Variants in SPTA1 observed in about 807,000 individuals in gnomAD.
The protein encoded by SPTA1 is spectrin alpha, erythrocytic 1, also known as spectrin alpha chain, erythrocytic 1.
In SPTA1, 177 loss-of-function variants were observed where a neutral mutation model predicts 324.7. That is an observed-to-expected ratio of 0.55 (90% CI 0.48 to 0.62). SPTA1 has a LOEUF of 0.62. SPTA1 is among the 20% of genes least tolerant of loss of function. SPTA1 has a pLI of 0.00. For synonymous variants in SPTA1, 1,195 were observed against 1,041.3 expected (o/e 1.15, Z -2.84); for missense variants, 3,162 against 2,883.6 (o/e 1.10, Z -2.21).
chr1:158,676,644 G>C (rs192147573), intron 7 of SPTA1, among the ~76,000 whole-genome samples: 1 of 152,044 alleles, frequency 6.6e-6, no homozygotes. Flanking sequence ...CAGGAGCAAG[G>C]TTCCAAACTA....
intron 2 of SPTA1, 145 bp from the exon 3 acceptor site, chr1:158,683,641 T>C: frequency 9.7e-7 from 1 of 1,035,718 alleles, no homozygotes; most frequent in Non-Finnish European, 1.4e-6. Context: ...CCCACTGGCT[T>C]TAGGAAGTTT....
chr1:158,682,020 C>CA (rs1654853733), intron 3 of SPTA1, among the ~76,000 whole-genome samples: 2 of 152,132 alleles, frequency 1.3e-5, no homozygotes, highest in South Asian at 4.1e-4. Context: ...ATAAGCATAA[C>CA]ATGTTCTAAG....
chr1:158,677,267 G>T (rs778873298), intron 7 of SPTA1, among the ~76,000 whole-genome samples: 1 of 152,142 alleles, frequency 6.6e-6, no homozygotes, highest in Non-Finnish European at 1.5e-5. Context: ...AAAAGGAGAA[G>T]ACAATGTTTT....
chr1:158,660,458 C>T (rs968867732), intron 18 of SPTA1, among the ~76,000 whole-genome samples: 10 of 152,074 alleles, frequency 6.6e-5, no homozygotes, highest in African/African-American at 1.7e-4. Flanking sequence ...GATTTAACTT[C>T]ATCAAAAAGA....
At chr1:158,681,444 G>GAGT (rs759082116) in intron 4 of SPTA1, 83 bp downstream of exon 4, 170 of 1,601,348 alleles carry the variant, frequency 1.1e-4, no homozygotes, top group Non-Finnish European at 1.3e-4. Context: ...ACTTCCTTGT[G>GAGT]AGTAGTCTGC....
In SPTA1 at chr1:158,634,628, T is replaced by C; in HGVS notation, c.5480A>G (p.Asn1827Ser). 1 of 1,614,190 alleles carries C rather than the reference T, an allele frequency of 6.2e-7. No individual in the cohort carries two copies. The highest frequency in any genetic ancestry group is 8.5e-7 in the Non-Finnish European group (1 of 1,180,038). Reference sequence around the variant, plus strand: ...GATCCAAGCTTCCTCTTCCTCAGCATTCTGCATGAATTGCAAGTATTCTAG... The same window carrying C: ...GATCCAAGCTTCCTCTTCCTCAGCACTCTGCATGAATTGCAAGTATTCTAG... ...ESLEYLQFMQ[N>S]AEEEEAWINE... The change falls in exon 39 of 52, where the codon AAT (asparagine) becomes AGT (serine). Residue 1827 changes from asparagine to serine, a missense_variant. Coordinates refer to ENST00000643759, the MANE Select transcript of SPTA1 (RefSeq NM_003126.4).
chr1:158,629,306 A>G (rs867056730), intron 39 of SPTA1, among the ~76,000 whole-genome samples: 11 of 151,974 alleles, frequency 7.2e-5, no homozygotes, highest in Non-Finnish European at 1.3e-4. Context: ...AGCATGTTGA[A>G]TCCAGCAGCA....
chr1:158,613,288 G>T (rs1476271362), intron 50 of SPTA1, among the ~76,000 whole-genome samples: 1 of 151,850 alleles, frequency 6.6e-6, no homozygotes, highest in Non-Finnish European at 1.5e-5. Flanking sequence ...GTCTTCTTTG[G>T]TTTTTAGTAT....
At chr1:158,631,728 C>A (rs1054446638) in intron 39 of SPTA1, among the ~76,000 whole-genome samples, 4 of 152,048 alleles carry the variant, frequency 2.6e-5, no homozygotes, top group African/African-American at 7.2e-5. Context: ...TAGGAAAATG[C>A]AAATTAAACC....
rs140701005 is a variant in SPTA1, at chr1:158,678,381, A to C, written c.812+20T>G. On this transcript the variant is annotated intron_variant, in intron 6 of 51. Coordinates refer to ENST00000643759, the MANE Select transcript of SPTA1 (RefSeq NM_003126.4). ...TAAAGCACTTCAAAGTTTTCTATAA[A>C]GCAGTGGCCAGATCCATACCTTTTG... The C allele has an allele frequency of 6.2e-7, 1 of 1,613,314 alleles. No homozygotes were observed. The highest frequency in any genetic ancestry group is 1.7e-5 in the Admixed American group (1 of 59,948).
intron 5 of SPTA1, 44 bp from the exon 6 acceptor site, chr1:158,678,578 AT>A: frequency 6.2e-7 from 1 of 1,602,950 alleles, no homozygotes; most frequent in East Asian, 2.2e-5. Flanking sequence ...AGATGAGATT[AT>A]ATTTAAAAAA....
Position 158,649,953 on chromosome 1 carries a change from A to G in SPTA1, c.3478-6T>C. On this transcript the variant is annotated splice_region_variant and splice_polypyrimidine_tract_variant and intron_variant, in intron 24 of 51. Transcript: ENST00000643759. ...CCCCAGCGGGAATTCAATTCCTAAAAGAGGCAAAAACATCAGACTTGAGAC... is the reference window on the plus strand; with the variant it reads ...CCCCAGCGGGAATTCAATTCCTAAAGGAGGCAAAAACATCAGACTTGAGAC... The G allele has an allele frequency of 6.2e-7, 1 of 1,606,834 alleles. No individual in the cohort carries two copies. Among genetic ancestry groups the G allele is most frequent in the Non-Finnish European group, 8.5e-7 (1 of 1,174,394 alleles).
chr1:158,614,939 A>G, intron 48 of SPTA1: 6 of 418,698 alleles, frequency 1.4e-5, no homozygotes, highest in Non-Finnish European at 2.6e-5. Flanking sequence ...GAGATCACAT[A>G]AGATGGTGAA....
At chr1:158,641,724 G>A (rs540398901) in intron 33 of SPTA1, among the ~76,000 whole-genome samples, 2 of 152,260 alleles carry the variant, frequency 1.3e-5, no homozygotes, top group South Asian at 4.1e-4. Flanking sequence ...ACTGTAAACT[G>A]GTTCAACCAT....
Position 158,626,864 on chromosome 1 carries a change from C to T in SPTA1, c.5808G>A (p.Lys1936=), listed in dbSNP as rs766829938. The T allele has an allele frequency of 8.7e-5, 141 of 1,613,694 alleles. No individual in the cohort carries two copies. The highest frequency in any genetic ancestry group is 1.1e-4 in the Non-Finnish European group (128 of 1,179,764). Residue 1936 remains lysine, a synonymous_variant, in exon 41 of 52, where the codon AAG becomes AAA. Transcript: ENST00000643759. ...CTATCCAAGCCTCTACCACATCAGC[C>T]TTCCAGTTGAATTCCTGAAAGGCAT... The part of the protein sequence containing the change: ...DDYAFQEFNW[K]ADVVEAWIAD...
intron 38 of SPTA1, 99 bp from the exon 39 acceptor site, chr1:158,634,774 T>A: frequency 7.0e-7 from 1 of 1,432,702 alleles, no homozygotes; most frequent in Non-Finnish European, 9.7e-7. Flanking sequence ...GACCAGCTTA[T>A]TCTCACAAGG....
Position 158,639,950 on chromosome 1 carries a change from T to C in SPTA1, c.4795A>G (p.Lys1599Glu), listed in dbSNP as rs1427741380. 1.9e-6 allele frequency: 3 copies of C among 1,613,926 alleles called. No individual in the cohort carries two copies. In the Admixed American group the frequency reaches 5.0e-5, roughly 27 times the overall value. Residue 1599 changes from lysine (K) to glutamate (E), a missense_variant, in exon 34 of 52, where the codon AAA (lysine) becomes GAA (glutamate). Lys to Glu is a moderately conservative substitution (Grantham distance 56). Coordinates refer to ENST00000643759, the MANE Select transcript of SPTA1 (RefSeq NM_003126.4). ...CTGGCCTCATTGAGCTTCTTCCCTT[T>C]GTCATTTGTTCTCTCAAGCAGATGA... ...WDHLLERTNDKGKKLNEASRQ... is the reference protein window; with the variant it reads ...WDHLLERTNDEGKKLNEASRQ...
At chr1:158,644,651 C>A (rs1312176699) in intron 29 of SPTA1, among the ~76,000 whole-genome samples, 1 of 152,148 alleles carries the variant, frequency 6.6e-6, no homozygotes, top group Non-Finnish European at 1.5e-5. Flanking sequence ...TTAATACTGG[C>A]TGGTCATTTC....
intron 25 of SPTA1, 74 bp downstream of exon 25, chr1:158,649,782 A>G (rs1288678655): frequency 8.2e-7 from 1 of 1,219,864 alleles, no homozygotes. Context: ...CTATGGTTCC[A>G]CCATAGTAAT....
Sources: gnomAD v4.1 joint callset for allele counts (sites outside exome capture counted in the v4.1 genomes callset) on GRCh38, gnomAD v4.1.1 for gene constraint, MANE v1.5 for transcripts, NCBI Gene and HGNC (gene_info 2026-07-23, HGNC 2026-07-21) for gene names.